ANKRD30B: variants seen among roughly 807,000 people sequenced by gnomAD.
The protein encoded by ANKRD30B is ankyrin repeat domain-containing protein 30B.
ANKRD30B carries 144 observed loss-of-function variants against 202.2 expected under a neutral mutation model. That is an observed-to-expected ratio of 0.71 (90% CI 0.62 to 0.82). The LOEUF is 0.82. Among genes scored for constraint, ANKRD30B ranks in the 40% least tolerant of loss-of-function variants. ANKRD30B has a pLI of 0.00. For synonymous variants in ANKRD30B, 508 were observed against 561.3 expected (o/e 0.91, Z 1.34); for missense variants, 1,487 against 1,669.1 (o/e 0.89, Z 1.90).
intron 37 of ANKRD30B, among the ~76,000 whole-genome samples, chr18:14,841,184 T>A (rs1422266920): frequency 6.6e-6 from 1 of 152,222 alleles, no homozygotes; most frequent in Non-Finnish European, 1.5e-5. Context: ...TTGTGTTTTA[T>A]CTGCAGTATG....
intron 2 of ANKRD30B, 62 bp from the exon 3 acceptor site, chr18:14,752,777 T>G: frequency 6.5e-7 from 1 of 1,548,016 alleles, no homozygotes; most frequent in Non-Finnish European, 8.8e-7. Context: ...TTGTGAAACC[T>G]GTGGAATACT....
At chr18:14,843,567 GTGTGTGT>G (rs1207393780) in intron 39 of ANKRD30B, among the ~76,000 whole-genome samples, 1 of 149,646 alleles carries the variant, frequency 6.7e-6, no homozygotes, top group Admixed American at 6.6e-5. Context: ...GTGTGTGTGT[GTGTGTGT>G]GTGTGTGTGT....
At chr18:14,856,375 C>T (rs1195935626), downstream of ANKRD30B, among the ~76,000 whole-genome samples, 35 of 138,586 alleles carry the variant, frequency 2.5e-4, no homozygotes, top group Non-Finnish European at 4.7e-4. Flanking sequence ...CTCCTCACCT[C>T]CCAGATGGGG....
the ANKRD30B span, among the ~76,000 whole-genome samples, chr18:14,866,370 G>A: frequency 1.3e-5 from 2 of 152,154 alleles, no homozygotes; most frequent in Non-Finnish European, 2.9e-5. Context: ...CTGAGTGGTA[G>A]GAGGGGGGCT....
the ANKRD30B span, among the ~76,000 whole-genome samples, chr18:14,886,540 T>C: frequency 6.6e-6 from 1 of 152,090 alleles, no homozygotes; most frequent in Admixed American, 6.6e-5. Context: ...TGCTATGTAA[T>C]TGGTATAACT....
At chr18:14,860,748 A>T in the ANKRD30B span, among the ~76,000 whole-genome samples, 1 of 151,858 alleles carries the variant, frequency 6.6e-6, no homozygotes, top group Non-Finnish European at 1.5e-5. Flanking sequence ...TTTGCCACCC[A>T]GGCTGGAGTG....
chr18:14,799,014 T>G (rs953173077), intron 20 of ANKRD30B, 87 bp from the exon 21 acceptor site: 368 of 1,279,502 alleles, frequency 2.9e-4, no homozygotes, highest in Middle Eastern at 2.7e-4. Context: ...ATCATGAGGA[T>G]TCGTCTTCAT....
At chr18:14,815,837 C>G (rs946472354) in intron 30 of ANKRD30B, among the ~76,000 whole-genome samples, 3 of 152,084 alleles carry the variant, frequency 2.0e-5, no homozygotes, top group African/African-American at 7.2e-5. Flanking sequence ...GTACATCTTC[C>G]TCCATGAGTG....
chr18:14,830,519 C>T (rs911814814), intron 33 of ANKRD30B, among the ~76,000 whole-genome samples: 1 of 152,084 alleles, frequency 6.6e-6, no homozygotes, highest in Non-Finnish European at 1.5e-5. Flanking sequence ...TCTCTTGTAG[C>T]GTTTTAGGGT....
chr18:14,875,166 C>T, the ANKRD30B span, among the ~76,000 whole-genome samples: 1 of 152,178 alleles, frequency 6.6e-6, no homozygotes, highest in Non-Finnish European at 1.5e-5. Context: ...AGCAGAAGAG[C>T]AGTCACAGGT....
chr18:14,939,129 A>C, the ANKRD30B span, among the ~76,000 whole-genome samples: 1 of 152,240 alleles, frequency 6.6e-6, no homozygotes, highest in African/African-American at 2.4e-5. Context: ...GGAAAGGGAC[A>C]GGTTGGTTCT....
At chr18:14,777,310 C>A (rs1406652556) in intron 9 of ANKRD30B, among the ~76,000 whole-genome samples, 1 of 148,166 alleles carries the variant, frequency 6.7e-6, no homozygotes, top group Admixed American at 6.8e-5. Flanking sequence ...ATTTTTTTTT[C>A]TTTTTTGAGA....
rs1379702223 is a variant in ANKRD30B, at chr18:14,854,403, G to C, written c.*245G>C. ...GATGTCCTGGCAGTGCTTCTGGTGT[G>C]TGGGATGGGGGTAGAATCCCATGCA... is the stretch of plus-strand genomic sequence containing the variant. On this transcript the variant is annotated 3_prime_UTR_variant, in exon 44 of 44. Transcript: ENST00000690538. 1.3e-5 allele frequency among the ~76,000 whole-genome samples: 2 copies of C among 152,192 alleles called. No individual in the cohort carries two copies. The highest frequency in any genetic ancestry group is 4.8e-5 in the African/African-American group (2 of 41,458).
the ANKRD30B span, among the ~76,000 whole-genome samples, chr18:14,893,385 C>T: frequency 2.0e-5 from 3 of 152,074 alleles, no homozygotes. Flanking sequence ...CCAACGCAGG[C>T]GGATCACCTG....
At chr18:14,828,547 A>G (rs1034280189) in intron 33 of ANKRD30B, among the ~76,000 whole-genome samples, 3 of 152,200 alleles carry the variant, frequency 2.0e-5, no homozygotes, top group Non-Finnish European at 2.9e-5. Flanking sequence ...TGTCATAGCT[A>G]AAAAGTAGCT....
In ANKRD30B at chr18:14,796,333, A is replaced by C. The variant is rs1329155569; in HGVS notation, c.1855-10A>C. 6.2e-7 allele frequency: 1 copy of C among 1,601,228 alleles called. No homozygotes were observed. The highest frequency in any genetic ancestry group is 1.7e-5 in the Admixed American group (1 of 58,448). On this transcript the variant is annotated splice_polypyrimidine_tract_variant and intron_variant, in intron 17 of 43. Coordinates refer to ENST00000690538, the MANE Select transcript of ANKRD30B (RefSeq NM_001367607.2). ...TATGTATTAATTTTTGTGTTTCCAA[A>C]CCCATTTAGCCTACCTGTGGAAGGA...
chr18:14,905,549 A>T, the ANKRD30B span: 12 of 152,226 alleles, frequency 7.9e-5, no homozygotes, highest in African/African-American at 2.7e-4. Flanking sequence ...TGTTATGTAG[A>T]TGAAGCCTCT....
chr18:14,851,992 C>A lies in ANKRD30B; in HGVS notation c.4048C>A (p.Gln1350Lys). Reference sequence around the variant, plus strand: ...AATATATAACAATGAGGTGCTCCATCAACCACTTTATGAAGCTCAAAGGAA... The same window carrying A: ...AATATATAACAATGAGGTGCTCCATAAACCACTTTATGAAGCTCAAAGGAA... ...NTIYNNEVLHQPLYEAQRKSK... is the reference protein window; with the variant it reads ...NTIYNNEVLHKPLYEAQRKSK... The change falls in exon 42 of 44, where the codon CAA (glutamine) becomes AAA (lysine). Residue 1350 changes from glutamine (Q) to lysine (K), a missense_variant. Physicochemically the swap from Gln to Lys is moderately conservative, Grantham distance 53. This residue lies in a region of ANKRD30B where 182 missense variants were observed against 216.0 expected (regional missense o/e 0.84). Coordinates refer to ENST00000690538, the MANE Select transcript of ANKRD30B (RefSeq NM_001367607.2). The A allele has an allele frequency of 6.3e-7, 1 of 1,597,092 alleles. No individual in the cohort carries two copies. Among genetic ancestry groups the A allele is most frequent in the Non-Finnish European group, 8.5e-7 (1 of 1,170,840 alleles).
intron 32 of ANKRD30B, among the ~76,000 whole-genome samples, chr18:14,823,755 C>A (rs1970553138): frequency 6.6e-6 from 1 of 152,184 alleles, no homozygotes; most frequent in South Asian, 2.1e-4. Context: ...GGGCAGATAA[C>A]TGAAGGTTAG....
Sources: allele counts gnomAD v4.1 joint callset (sites outside exome capture counted in the v4.1 genomes callset), GRCh38; gene constraint gnomAD v4.1.1; regional missense constraint gnomAD v4.1.1; transcripts MANE v1.5; gene names NCBI Gene and HGNC (gene_info 2026-07-23, HGNC 2026-07-21).